Variants in DHX8 observed in about 807,000 individuals in gnomAD.
The protein encoded by DHX8 is ATP-dependent RNA helicase DHX8.
In DHX8, 67 loss-of-function variants were observed where a neutral mutation model predicts 140.7. That is an observed-to-expected ratio of 0.48 (90% CI 0.39 to 0.58). The LOEUF (loss-of-function observed/expected upper bound fraction) is 0.58. Among genes scored for constraint, DHX8 ranks in the 20% least tolerant of loss-of-function variants. DHX8 has a pLI of 0.00. For synonymous variants in DHX8, 533 were observed against 553.2 expected (o/e 0.96, Z 0.51); for missense variants, 887 against 1,550.7 (o/e 0.57, Z 7.19).
At chr17:43,484,802 C>T (rs997832069) in intron 1 of DHX8, among the ~76,000 whole-genome samples, 1 of 151,992 alleles carries the variant, frequency 6.6e-6, no homozygotes, top group African/African-American at 2.4e-5. Flanking sequence ...CCACCAAGCT[C>T]GACTCATTTT....
chr17:43,533,132 C>T, intron 2 of DHX8: 1 of 1,594,294 alleles, frequency 6.3e-7, no homozygotes, highest in Non-Finnish European at 8.6e-7. Flanking sequence ...GGAGAACACT[C>T]AGGAATTGAA....
In DHX8 at chr17:43,507,997, G is replaced by A. The variant is rs754488104; in HGVS notation, c.2298G>A (p.Gln766=). The change falls in exon 15 of 23, where the codon CAG becomes CAA. Residue 766 remains glutamine (Q), a synonymous_variant. Transcript: ENST00000262415. ...YLDASLITVM[Q]IHLTEPPGDI... ...ATGCCAGCCTGATTACTGTTATGCA[G>A]ATTCATTTAACAGAACCACCAGGTA... The A allele has an allele frequency of 1.2e-5, 20 of 1,613,892 alleles. No individual in the cohort carries two copies. The highest frequency in any genetic ancestry group is 6.7e-5 in the African/African-American group (5 of 74,914).
chr17:43,530,951 G>T (rs1339595842), downstream of DHX8, among the ~76,000 whole-genome samples: 4 of 152,160 alleles, frequency 2.6e-5, no homozygotes, highest in African/African-American at 9.7e-5. Flanking sequence ...CCATTCAGGA[G>T]TAGCTGGGGG....
chr17:43,493,785 A>G lies in DHX8; in HGVS notation c.1111A>G (p.Thr371Ala). ...ETSMRNPDRPTHLSLVSAPEV... is the reference protein window; with the variant it reads ...ETSMRNPDRPAHLSLVSAPEV... ...CTCAATGCGGAATCCTGATAGACCC[A>G]CTCACTTGTCCCTTGTCAGTGCTCC... Residue 371 changes from threonine (T) to alanine (A), a missense_variant, in exon 8 of 23, where the codon ACT becomes GCT. Coordinates refer to ENST00000262415, the MANE Select transcript of DHX8 (RefSeq NM_004941.3). The G allele has an allele frequency of 6.2e-7, 1 of 1,614,142 alleles. No individual in the cohort carries two copies. The highest frequency in any genetic ancestry group is 8.5e-7 in the Non-Finnish European group (1 of 1,180,040).
intron 9 of DHX8, among the ~76,000 whole-genome samples, chr17:43,498,607 G>A (rs1407546403): frequency 1.3e-5 from 2 of 151,844 alleles, no homozygotes; most frequent in East Asian, 3.9e-4. Flanking sequence ...CCACCACCAA[G>A]CCTGGATAAT....
intron 1 of DHX8, among the ~76,000 whole-genome samples, chr17:43,488,701 G>A (rs934392388): frequency 2.6e-5 from 4 of 152,132 alleles, no homozygotes; most frequent in African/African-American, 9.7e-5. Context: ...CCACCCAGCA[G>A]CTGCCTGGCC....
chr17:43,536,369 A>T, intron 2 of DHX8: 2 of 1,449,766 alleles, frequency 1.4e-6, no homozygotes, highest in Non-Finnish European at 1.9e-6. Context: ...CTATCCTATG[A>T]CTCACTTCCT....
intron 3 of DHX8, among the ~76,000 whole-genome samples, chr17:43,537,798 G>C (rs1219050340): frequency 6.6e-6 from 1 of 151,282 alleles, no homozygotes; most frequent in Non-Finnish European, 1.5e-5. Flanking sequence ...TTTGAGACCA[G>C]CCTGACCAGC....
intron 1 of DHX8, 22 bp downstream of exon 1, chr17:43,484,207 G>C: frequency 6.2e-7 from 1 of 1,608,282 alleles, no homozygotes; most frequent in Non-Finnish European, 8.5e-7. Context: ...GAGGTCCCTG[G>C]GACCTCAGTT....
intron 3 of DHX8, 53 bp downstream of exon 3, chr17:43,490,516 C>T: frequency 7.0e-7 from 1 of 1,422,262 alleles, no homozygotes; most frequent in Non-Finnish European, 9.8e-7. Flanking sequence ...AGGTTTTGAA[C>T]ATCCTGTAAA....
chr17:43,526,599 T>C, downstream of DHX8: 1 of 1,535,656 alleles, frequency 6.5e-7, no homozygotes, highest in Non-Finnish European at 8.7e-7. Flanking sequence ...GACTTGTTAA[T>C]GAACAGTTCA....
chr17:43,531,298 A>G (rs534434199), downstream of DHX8, among the ~76,000 whole-genome samples: 1 of 152,306 alleles, frequency 6.6e-6, no homozygotes, highest in East Asian at 1.9e-4. Flanking sequence ...GGTTTTCTGG[A>G]CCCTTCCTGG....
At chr17:43,503,315 T>G (rs142727698) in intron 11 of DHX8, among the ~76,000 whole-genome samples, 1 of 151,892 alleles carries the variant, frequency 6.6e-6, no homozygotes, top group Non-Finnish European at 1.5e-5. Flanking sequence ...CTAGCCAACA[T>G]AGTGAAACCC....
intron 18 of DHX8, chr17:43,518,054 C>T (rs892797324): frequency 6.6e-6 from 1 of 152,128 alleles, no homozygotes; most frequent in African/African-American, 2.4e-5. Context: ...CTCCAAACTG[C>T]GACTTTGGGC....
At position 43,499,560 on chromosome 17, in the gene DHX8, A is replaced by C. The variant is rs1969064346; in HGVS notation, c.1399-396A>C. ...AGCCCTTAAGGAGGTACATTTCATC[A>C]TGAGATGGATCTGATCGCTAGTTCT... On this transcript the variant is annotated intron_variant, in intron 10 of 22. Transcript: ENST00000262415. Among the ~76,000 whole-genome samples the C allele has an allele frequency of 2.0e-5, 3 of 152,220 alleles. No homozygotes were observed. In the South Asian group the frequency reaches 6.2e-4, roughly 32 times the overall value.
At chr17:43,541,533 G>T (rs980158103) in intron 3 of DHX8, among the ~76,000 whole-genome samples, 1 of 152,044 alleles carries the variant, frequency 6.6e-6, no homozygotes, top group Non-Finnish European at 1.5e-5. Context: ...TTCAAAAAGG[G>T]GGGTTAGTAA....
rs75388323 is a variant in DHX8 at position 43,497,896 on chromosome 17, C to T, written c.1301-966C>T. Among the ~76,000 whole-genome samples the T allele has an allele frequency of 2.8e-3, 428 of 152,222 alleles. 12 individuals carry two copies. In the East Asian group the frequency reaches 0.07, roughly 25 times the overall value. The stretch of plus-strand genomic sequence containing the variant: ...GTTCCGCTTGGTGTTGTTCAATTGT[C>T]GAACTAATTTTTTACAAATTTATTT... On this transcript the variant is annotated intron_variant, in intron 9 of 22. Transcript: ENST00000262415.
rs552654479 is a variant in DHX8, at chr17:43,509,781, G to A, written c.2502+1261G>A. ...CCTCCCAGGTTCAAGCGATTCCCCC[G>A]CCTCAGCCTCCCGAGTAGCTGGGAC... On this transcript the variant is annotated intron_variant, in intron 16 of 22. Transcript: ENST00000262415. 1.1e-4 allele frequency among the ~76,000 whole-genome samples: 16 copies of A among 151,938 alleles called. No individual in the cohort carries two copies. In the East Asian group the frequency reaches 2.5e-3, roughly 24 times the overall value.
chr17:43,513,259 A>G lies in DHX8; in HGVS notation c.2503-103A>G. The G allele has an allele frequency of 2.4e-6, 3 of 1,273,570 alleles. 1 individual carries two copies. In the South Asian group the frequency reaches 4.7e-5, roughly 20 times the overall value. 78.9% of individuals were successfully genotyped at this position (1,273,570 alleles called of 1,614,324 possible). ...ATTTTAACCGTCTAGAGAGAGAGATAGCCACATATTCCTTTGGGAAGATAT... is the reference window on the plus strand; with the variant it reads ...ATTTTAACCGTCTAGAGAGAGAGATGGCCACATATTCCTTTGGGAAGATAT... On this transcript the variant is annotated intron_variant, in intron 16 of 22. Coordinates refer to ENST00000262415, the MANE Select transcript of DHX8 (RefSeq NM_004941.3).
Sources: gnomAD v4.1 joint callset for allele counts (sites outside exome capture counted in the v4.1 genomes callset) on GRCh38, gnomAD v4.1.1 for gene constraint, MANE v1.5 for transcripts, NCBI Gene and HGNC (gene_info 2026-07-23, HGNC 2026-07-21) for gene names.